The following PCNX2 variants were observed in gnomAD, a reference collection of about 807,000 sequenced individuals.
PCNX2 encodes pecanex 2, also known as pecanex-like protein 2.
Under a neutral mutation model 223.8 loss-of-function variants are expected in PCNX2, and 168 were observed. That is an observed-to-expected ratio of 0.75 (90% confidence interval 0.66 to 0.85). The LOEUF is 0.85. Ranked by LOEUF, PCNX2 falls within the 40% of genes least tolerant of loss-of-function variation. The pLI, the probability that PCNX2 is intolerant of heterozygous loss-of-function variation, is 0.00. For missense variants in PCNX2, 2,507 were observed against 2,675.5 expected (o/e 0.94, Z 1.39); for synonymous variants, 1,006 against 1,052.6 (o/e 0.96, Z 0.86).
intron 21 of PCNX2, among the ~76,000 whole-genome samples, chr1:233,120,865 A>T (rs1193498029): frequency 3.9e-5 from 6 of 151,958 alleles, no homozygotes; most frequent in African/African-American, 9.7e-5. Context: ...AACAAAAACA[A>T]TTTTTTTTAA....
At chr1:233,172,385 G>C in intron 17 of PCNX2, 1 of 985,420 alleles carries the variant, frequency 1.0e-6, no homozygotes, top group Non-Finnish European at 1.2e-6. Flanking sequence ...GAGGGATTTG[G>C]TGCCATCTAG....
intron 1 of PCNX2, chr1:233,288,803 C>CT: frequency 1.4e-5 from 9 of 655,798 alleles, no homozygotes; most frequent in African/African-American, 2.4e-5. Context: ...GGAAAGATGC[C>CT]CTTTTTTTTT....
chr1:233,100,724 G>A (rs894178642), intron 21 of PCNX2, among the ~76,000 whole-genome samples: 1 of 152,070 alleles, frequency 6.6e-6, no homozygotes, highest in Non-Finnish European at 1.5e-5. Context: ...GAAATAACTG[G>A]CTACTTACAG....
At position 233,166,199 on chromosome 1, in the gene PCNX2, A is replaced by T. The variant is rs1003133818; in HGVS notation, c.3274-4836T>A. 4.0e-5 allele frequency among the ~76,000 whole-genome samples: 6 copies of T among 151,646 alleles called. No homozygotes were observed. In the East Asian group the frequency reaches 5.8e-4, roughly 15 times the overall value. On this transcript the variant is annotated intron_variant, in intron 17 of 33. Transcript: ENST00000258229. ...ACTATAAAAATAAATAAATAAATAAATAAATTAAATTAAACAATAACAAAA... is the reference window on the plus strand; with the variant it reads ...ACTATAAAAATAAATAAATAAATAATTAAATTAAATTAAACAATAACAAAA...
At chr1:233,222,879 G>T (rs867944100) in intron 10 of PCNX2, among the ~76,000 whole-genome samples, 8 of 152,180 alleles carry the variant, frequency 5.3e-5, no homozygotes, top group Non-Finnish European at 1.2e-4. Context: ...ATGTCATCCT[G>T]AAATCATGAG....
At chr1:233,223,655 C>T (rs1467394928) in intron 10 of PCNX2, among the ~76,000 whole-genome samples, 1 of 152,086 alleles carries the variant, frequency 6.6e-6, no homozygotes, top group Non-Finnish European at 1.5e-5. Flanking sequence ...ATGTTTGCCT[C>T]TCTGTGTCCA....
Position 233,130,445 on chromosome 1 carries a change from A to T in PCNX2, c.3837+4568T>A, listed in dbSNP as rs990759566. Among the ~76,000 whole-genome samples, 3 of 148,768 alleles carry T rather than the reference A, an allele frequency of 2.0e-5. No homozygotes were observed. In the Admixed American group the frequency reaches 2.0e-4, roughly 10 times the overall value. On this transcript the variant is annotated intron_variant, in intron 21 of 33. Coordinates refer to ENST00000258229, the MANE Select transcript of PCNX2 (RefSeq NM_014801.4). ...TGGTGGGTTCCAGCCTTGGAACTCA[A>T]TATTTCTGCCCCCCAACTTTTGTGT...
chr1:233,270,400 TG>T (rs1387701454), intron 1 of PCNX2, among the ~76,000 whole-genome samples: 4 of 152,290 alleles, frequency 2.6e-5, no homozygotes, highest in Admixed American at 2.0e-4. Context: ...AGCAGAAGTT[TG>T]GATCACAGGA....
chr1:233,257,332 A>T (rs1010128682), intron 5 of PCNX2, among the ~76,000 whole-genome samples: 6 of 152,212 alleles, frequency 3.9e-5, no homozygotes, highest in African/African-American at 1.2e-4. Flanking sequence ...GTATATCCAT[A>T]ACGTAAAGTT....
intron 22 of PCNX2, among the ~76,000 whole-genome samples, chr1:233,092,874 C>T (rs1673942537): frequency 6.6e-6 from 1 of 152,222 alleles, no homozygotes; most frequent in African/African-American, 2.4e-5. Flanking sequence ...TCTCAGCTCA[C>T]TGCAACCTCC....
chr1:233,058,104 T>G, intron 23 of PCNX2: 1 of 959,216 alleles, frequency 1.0e-6, no homozygotes, highest in South Asian at 4.8e-5. Flanking sequence ...GAACCAGCTT[T>G]GAACCTATTC....
chr1:233,299,431 A>G (rs1201248099), upstream of PCNX2, among the ~76,000 whole-genome samples: 1 of 152,254 alleles, frequency 6.6e-6, no homozygotes, highest in Non-Finnish European at 1.5e-5. Flanking sequence ...GAGCAACTCT[A>G]GCTTTCAAAG....
chr1:233,175,716 G>A (rs1214764432), intron 17 of PCNX2, among the ~76,000 whole-genome samples: 1 of 151,760 alleles, frequency 6.6e-6, no homozygotes, highest in Non-Finnish European at 1.5e-5. Flanking sequence ...TTTTTAAGCT[G>A]CCATCTCATC....
chr1:233,081,634 G>A (rs1294067043), intron 23 of PCNX2, among the ~76,000 whole-genome samples: 1 of 152,256 alleles, frequency 6.6e-6, no homozygotes, highest in Non-Finnish European at 1.5e-5. Flanking sequence ...CTTGCAGCCT[G>A]AAGACAGGGA....
intron 32 of PCNX2, among the ~76,000 whole-genome samples, chr1:232,988,091 G>A (rs1030089603): frequency 6.6e-6 from 1 of 152,226 alleles, no homozygotes; most frequent in Non-Finnish European, 1.5e-5. Flanking sequence ...AGAAAAAGGA[G>A]AGGAGGAAAG....
In PCNX2 at chr1:233,025,134, AC is replaced by A; in HGVS notation, c.4605+11del. ...CATTTCTGCCTTAGGTGTTTGGGAA[AC>A]AGAGCAATACCTTGATGTAGTAGCG... On this transcript the variant is annotated intron_variant, in intron 26 of 33. Coordinates refer to ENST00000258229, the MANE Select transcript of PCNX2 (RefSeq NM_014801.4). 6.2e-7 allele frequency: 1 copy of A among 1,613,062 alleles called. No individual in the cohort carries two copies. Among genetic ancestry groups the A allele is most frequent in the Non-Finnish European group, 8.5e-7 (1 of 1,179,162 alleles).
the PCNX2 span, among the ~76,000 whole-genome samples, chr1:233,320,258 C>T: frequency 6.6e-6 from 1 of 152,044 alleles, no homozygotes; most frequent in African/African-American, 2.4e-5. Context: ...ATGCAATAAT[C>T]ATGCATAATT....
chr1:233,246,954 TG>T (rs1042261812), intron 8 of PCNX2, among the ~76,000 whole-genome samples: 30 of 152,252 alleles, frequency 2.0e-4, no homozygotes, highest in African/African-American at 7.2e-4. Context: ...CATTACATCA[TG>T]GGCTTCTGCA....
chr1:233,001,668 G>C lies in PCNX2; in HGVS notation c.4966C>G (p.Leu1656Val). 1 of 1,581,378 alleles carries C rather than the reference G, an allele frequency of 6.3e-7. No homozygotes were observed. The highest frequency in any genetic ancestry group is 8.6e-7 in the Non-Finnish European group (1 of 1,163,002). The change falls in exon 29 of 34, where the codon CTG (leucine) becomes GTG (valine). Residue 1656 changes from leucine to valine, a missense_variant. Physicochemically the swap from Leu to Val is conservative, Grantham distance 32 (BLOSUM62 1). Transcript: ENST00000258229. This position sits in a 1 kb window ranked among gnomAD's most constrained non-coding sequence, Gnocchi z 4.2. Reference sequence around the variant, plus strand: ...TTGAAGAGGACATGGAGGCCATACAGGAAAGAATCCAGGCTGCAAAACAAA... The same window carrying C: ...TTGAAGAGGACATGGAGGCCATACACGAAAGAATCCAGGCTGCAAAACAAA... ...HNMAISLDSF[L>V]YGLHVLFKGD...
Sources: gnomAD v4.1 joint callset for allele counts (sites outside exome capture counted in the v4.1 genomes callset) on GRCh38, gnomAD v4.1.1 for gene constraint, Gnocchi (gnomAD v3.1) non-coding constraint, MANE v1.5 for transcripts, NCBI Gene and HGNC (gene_info 2026-07-23, HGNC 2026-07-21) for gene names.